PCDH7: variants seen among roughly 807,000 people sequenced by gnomAD.
The protein encoded by PCDH7 is protocadherin 7.
Under a neutral mutation model 58.9 loss-of-function variants are expected in PCDH7, and 17 were observed. The observed-to-expected ratio is 0.29, with a 90% CI of 0.20 to 0.43. The LOEUF (loss-of-function observed/expected upper bound fraction) is 0.43, where lower values mean the gene tolerates loss of function less well. Among genes scored for constraint, PCDH7 ranks in the 20% least tolerant of loss-of-function variants. The pLI is 1.00. For synonymous variants in PCDH7, 664 were observed against 616.4 expected (o/e 1.08, Z -1.14); for missense variants, 1,274 against 1,441.0 (o/e 0.88, Z 1.88).
intron 3 of PCDH7, among the ~76,000 whole-genome samples, chr4:31,123,633 G>T (rs1034559388): frequency 1.3e-5 from 2 of 152,164 alleles, no homozygotes; most frequent in East Asian, 3.9e-4. Context: ...TGCTGTTCAC[G>T]GATGGCTTAA....
intron 1 of PCDH7, among the ~76,000 whole-genome samples, chr4:30,768,168 G>T (rs1435077115): frequency 6.6e-6 from 1 of 150,722 alleles, no homozygotes; most frequent in Non-Finnish European, 1.5e-5. Flanking sequence ...TTAATGTCAT[G>T]CATCAATCAA....
intron 1 of PCDH7, among the ~76,000 whole-genome samples, chr4:30,829,142 T>G (rs1430897408): frequency 2.0e-5 from 3 of 151,982 alleles, no homozygotes; most frequent in Non-Finnish European, 4.4e-5. Context: ...TGTTTGGTTT[T>G]GGAAGGGAAG....
chr4:30,761,407 GATT>G (rs1720000220), intron 1 of PCDH7, among the ~76,000 whole-genome samples: 2 of 152,088 alleles, frequency 1.3e-5, no homozygotes, highest in African/African-American at 4.8e-5. Flanking sequence ...CCTTATTTAT[GATT>G]ATTTTTAAAA....
At chr4:31,040,896 A>G (rs1578635171) in intron 3 of PCDH7, among the ~76,000 whole-genome samples, 1 of 151,966 alleles carries the variant, frequency 6.6e-6, no homozygotes, top group East Asian at 1.9e-4. Context: ...CACCATTCAA[A>G]TGATGTGTGT....
intron 1 of PCDH7, among the ~76,000 whole-genome samples, chr4:30,833,552 C>A (rs73213202): frequency 0.011 from 1,670 of 152,180 alleles, 28 homozygotes; most frequent in African/African-American, 0.038. Context: ...TTCCAGCTGT[C>A]GTCTTAGTCC....
chr4:30,972,810 C>T (rs189353110), intron 3 of PCDH7, among the ~76,000 whole-genome samples: 17 of 152,302 alleles, frequency 1.1e-4, no homozygotes, highest in Non-Finnish European at 1.2e-4. Flanking sequence ...CTCTACCACA[C>T]GGAGTGTCAG....
At chr4:31,049,766 G>A (rs1328766927) in intron 3 of PCDH7, among the ~76,000 whole-genome samples, 1 of 151,974 alleles carries the variant, frequency 6.6e-6, no homozygotes, top group African/African-American at 2.4e-5. Context: ...TATAGTACCT[G>A]ATAGCCATTC....
chr4:31,081,432 T>G (rs746450343), intron 3 of PCDH7, among the ~76,000 whole-genome samples: 45 of 152,292 alleles, frequency 3.0e-4, no homozygotes, highest in Non-Finnish European at 5.9e-4. Flanking sequence ...TATATAACAT[T>G]TTATAAATGG....
At chr4:30,977,286 TA>T (rs1236766689) in intron 3 of PCDH7, among the ~76,000 whole-genome samples, 2 of 152,196 alleles carry the variant, frequency 1.3e-5, no homozygotes, top group Non-Finnish European at 2.9e-5. Context: ...ATCATTTTAA[TA>T]AAAATTATAC....
chr4:31,009,903 CT>C (rs1753047724), intron 3 of PCDH7, among the ~76,000 whole-genome samples: 2 of 151,888 alleles, frequency 1.3e-5, no homozygotes, highest in Non-Finnish European at 2.9e-5. Context: ...GGAGGTAAAA[CT>C]TTTTATTGAC....
At chr4:30,824,236 C>G (rs1560408254) in intron 1 of PCDH7, among the ~76,000 whole-genome samples, 1 of 151,420 alleles carries the variant, frequency 6.6e-6, no homozygotes. Flanking sequence ...CTTCATAAAG[C>G]TGACCTCATA....
At chr4:30,822,028 A>G (rs898697001) in intron 1 of PCDH7, among the ~76,000 whole-genome samples, 3 of 152,074 alleles carry the variant, frequency 2.0e-5, no homozygotes, top group East Asian at 3.9e-4. Flanking sequence ...CAGCATAGTA[A>G]CTGGTGACCA....
chr4:30,826,833 C>T, intron 1 of PCDH7, among the ~76,000 whole-genome samples: 1 of 152,082 alleles, frequency 6.6e-6, no homozygotes, highest in East Asian at 1.9e-4. Context: ...TTAAGCAATC[C>T]TCCTGCCTCA....
At chr4:30,985,354 G>A (rs1390245816) in intron 3 of PCDH7, among the ~76,000 whole-genome samples, 1 of 151,976 alleles carries the variant, frequency 6.6e-6, no homozygotes, top group Non-Finnish European at 1.5e-5. Flanking sequence ...TCCTTTTCGG[G>A]AAACATTATA....
chr4:31,100,750 A>G lies in PCDH7; in HGVS notation c.*8-41723A>G, dbSNP rs756242459. Among the ~76,000 whole-genome samples the G allele has an allele frequency of 6.4e-4, 97 of 152,202 alleles. 2 individuals are homozygous for G. Among genetic ancestry groups the G allele is most frequent in the Non-Finnish European group, 1.5e-4 (10 of 68,032 alleles). ...AACTTTCTGGAGAAGTCATAAGTGG[A>G]TGAGTCAGGGAAAGAGAACTGTGGC... On this transcript the variant is annotated intron_variant, in intron 3 of 3. Coordinates refer to the PCDH7 transcript ENST00000509759.
intron 1 of PCDH7, among the ~76,000 whole-genome samples, chr4:30,827,324 A>AT (rs968786745): frequency 1.3e-5 from 2 of 152,028 alleles, no homozygotes; most frequent in African/African-American, 2.4e-5. Flanking sequence ...AGTTTAAGGA[A>AT]TTTTTTTTCC....
At chr4:31,097,606 ATATATATATATATATATATATATATATAT>A (rs797013465) in intron 3 of PCDH7, among the ~76,000 whole-genome samples, 1,412 of 32,452 alleles carry the variant, frequency 0.044, 139 homozygotes, top group East Asian at 0.36. Context: ...ATATATATAT[ATATATATATATATATATATATATATATAT>A]ATAAATCTTT....
chr4:30,938,709 A>G (rs1191219412), intron 2 of PCDH7, among the ~76,000 whole-genome samples: 1 of 152,146 alleles, frequency 6.6e-6, no homozygotes. Context: ...AAAATCAAGT[A>G]ATATTTTTAT....
At chr4:30,982,041 C>T (rs1750618971) in intron 3 of PCDH7, among the ~76,000 whole-genome samples, 1 of 152,098 alleles carries the variant, frequency 6.6e-6, no homozygotes, top group African/African-American at 2.4e-5. Context: ...TCTTGAAAAT[C>T]ACCAAGAAAG....
Sources: gnomAD v4.1 joint callset for allele counts (sites outside exome capture counted in the v4.1 genomes callset) on GRCh38, gnomAD v4.1.1 for gene constraint, MANE v1.5 for transcripts, NCBI Gene and HGNC (gene_info 2026-07-23, HGNC 2026-07-21) for gene names.